The following SLC1A1 variants were observed in gnomAD, a reference collection of about 807,000 sequenced individuals.
SLC1A1 encodes solute carrier family 1 member 1, also known as excitatory amino acid transporter 3.
In SLC1A1, 43 loss-of-function variants were observed where a neutral mutation model predicts 53.3. That is an observed-to-expected ratio of 0.81 (90% CI 0.63 to 1.04). The LOEUF is 1.04. Among genes scored for constraint, SLC1A1 ranks in the 50% least tolerant of loss-of-function variants. SLC1A1 has a pLI of 0.00. For synonymous variants in SLC1A1, 307 were observed against 243.2 expected, an observed-to-expected ratio of 1.26 and a Z score of -2.44; for missense variants, 748 against 664.9, an observed-to-expected ratio of 1.12 and a Z score of -1.37.
rs1821624108 is a variant in SLC1A1 at position 4,587,116 on chromosome 9, A to C, written c.*1558A>C. ...ATAGCAGAAGAGTAGATAAGTGCTC[A>C]GTATTGACGACCTACATCTGAAATC... On this transcript the variant is annotated 3_prime_UTR_variant, in exon 12 of 12. Transcript: ENST00000262352. 6.6e-6 allele frequency: 1 copy of C among 152,650 alleles called. No homozygotes were observed. The highest frequency in any genetic ancestry group is 6.5e-5 in the Admixed American group (1 of 15,288). 9.5% of individuals were successfully genotyped at this position (152,650 alleles called of 1,614,324 possible). A position where few individuals can be genotyped will look rare whatever the true frequency, so the allele number is the denominator to read the frequency against.
At chr9:4,498,753 T>A (rs1820528920) in intron 1 of SLC1A1, among the ~76,000 whole-genome samples, 1 of 151,178 alleles carries the variant, frequency 6.6e-6, no homozygotes, top group Non-Finnish European at 1.5e-5. Flanking sequence ...TTAGTTTCCA[T>A]AATATTTTCT....
intron 1 of SLC1A1, among the ~76,000 whole-genome samples, chr9:4,537,002 T>A (rs1249565652): frequency 6.6e-6 from 1 of 151,712 alleles, no homozygotes; most frequent in African/African-American, 2.4e-5. Context: ...ATGAGAACAC[T>A]TGGACACAGG....
intron 2 of SLC1A1, among the ~76,000 whole-genome samples, chr9:4,546,207 T>C (rs536971608): frequency 3.9e-4 from 60 of 152,352 alleles, no homozygotes; most frequent in African/African-American, 1.2e-3. Context: ...GGTCTTGATG[T>C]TCTCGGCTTA....
At chr9:4,501,446 T>C (rs1395519235) in intron 1 of SLC1A1, among the ~76,000 whole-genome samples, 2 of 151,542 alleles carry the variant, frequency 1.3e-5, no homozygotes, top group Non-Finnish European at 2.9e-5. Flanking sequence ...ACTATTTGGG[T>C]ATAACACTTC....
At chr9:4,513,759 A>T (rs1564001126) in intron 1 of SLC1A1, among the ~76,000 whole-genome samples, 1 of 152,252 alleles carries the variant, frequency 6.6e-6, no homozygotes, top group Non-Finnish European at 1.5e-5. Flanking sequence ...GAGTGTTTAT[A>T]GCAGCACTCT....
At position 4,523,292 on chromosome 9, in the gene SLC1A1, A is replaced by C. The variant is rs1463241565; in HGVS notation, c.92-21275A>C. Reference sequence around the variant, plus strand: ...CCTTGGACATAGTAAATATTTGCAGAATTTAATTAAGTTATTGAGTCACAT... The same window carrying C: ...CCTTGGACATAGTAAATATTTGCAGCATTTAATTAAGTTATTGAGTCACAT... On this transcript the variant is annotated intron_variant, in intron 1 of 11. Transcript: ENST00000262352. 2.0e-5 allele frequency among the ~76,000 whole-genome samples: 3 copies of C among 152,184 alleles called. No individual in the cohort carries two copies. The East Asian group carries it at 5.8e-4, about 29-fold the overall frequency.
At chr9:4,573,260 G>A (rs1444841854) in intron 7 of SLC1A1, among the ~76,000 whole-genome samples, 1 of 152,156 alleles carries the variant, frequency 6.6e-6, no homozygotes, top group African/African-American at 2.4e-5. Context: ...TTAATCCAAA[G>A]TGTAGATACT....
chr9:4,576,230 G>A (rs369154772), intron 9 of SLC1A1, 107 bp downstream of exon 9: 2 of 1,076,048 alleles, frequency 1.9e-6, no homozygotes, highest in Non-Finnish European at 2.9e-6. Context: ...AGCTGTCTTT[G>A]AGAAATGACC....
intron 1 of SLC1A1, among the ~76,000 whole-genome samples, chr9:4,507,095 G>A (rs544539653): frequency 1.8e-4 from 28 of 152,252 alleles, no homozygotes; most frequent in South Asian, 1.5e-3. Context: ...TTAGCTGAGC[G>A]TGGTGGTGGG....
At chr9:4,495,769 C>A (rs1447701351) in intron 1 of SLC1A1, among the ~76,000 whole-genome samples, 1 of 151,804 alleles carries the variant, frequency 6.6e-6, no homozygotes, top group African/African-American at 2.4e-5. Context: ...AGCTGAGCAG[C>A]CAGGAGTGGA....
chr9:4,490,496 G>T lies in SLC1A1; in HGVS notation c.-184G>T. On this transcript the variant is annotated 5_prime_UTR_variant, in exon 1 of 12. Coordinates refer to ENST00000262352, the MANE Select transcript of SLC1A1 (RefSeq NM_004170.6). The stretch of plus-strand genomic sequence containing the variant: ...AAACTACCGGGCTGGCAGGGCGGCG[G>T]GCGCGGTGCGCGATCCCGGGTGGCG... 1 of 383,812 alleles carries T rather than the reference G, an allele frequency of 2.6e-6. No individual in the cohort carries two copies. Among genetic ancestry groups the T allele is most frequent in the South Asian group, 8.3e-5 (1 of 12,024 alleles). 23.8% of individuals were successfully genotyped at this position (383,812 alleles called of 1,614,324 possible). A position where few individuals can be genotyped will look rare whatever the true frequency, so the allele number is the denominator to read the frequency against.
intron 5 of SLC1A1, 126 bp from the exon 6 acceptor site, chr9:4,567,543 G>GC: frequency 2.9e-6 from 2 of 698,948 alleles, no homozygotes; most frequent in Non-Finnish European, 5.3e-6. Context: ...GCCAACAGAG[G>GC]CATTGGATGT....
chr9:4,540,383 G>T (rs1016710529), intron 1 of SLC1A1, among the ~76,000 whole-genome samples: 4 of 152,180 alleles, frequency 2.6e-5, no homozygotes, highest in African/African-American at 9.7e-5. Context: ...GGGTGAGGAT[G>T]CTAAAGGCTG....
intron 1 of SLC1A1, among the ~76,000 whole-genome samples, chr9:4,538,225 T>G (rs1175317231): frequency 6.6e-6 from 1 of 152,160 alleles, no homozygotes; most frequent in Non-Finnish European, 1.5e-5. Flanking sequence ...TTGTACATTT[T>G]AGGGAGATAT....
chr9:4,538,537 T>A (rs1276575192), intron 1 of SLC1A1, among the ~76,000 whole-genome samples: 1 of 152,210 alleles, frequency 6.6e-6, no homozygotes. Flanking sequence ...CTGCAATATA[T>A]AAGGAAAAAT....
chr9:4,515,881 T>C (rs1201853234), intron 1 of SLC1A1, among the ~76,000 whole-genome samples: 1 of 152,188 alleles, frequency 6.6e-6, no homozygotes, highest in Non-Finnish European at 1.5e-5. Context: ...GTCCTGTGTG[T>C]TTCCAGTATG....
intron 2 of SLC1A1, among the ~76,000 whole-genome samples, chr9:4,554,663 G>C (rs1324387462): frequency 6.6e-6 from 1 of 152,212 alleles, no homozygotes; most frequent in Non-Finnish European, 1.5e-5. Flanking sequence ...GGCACAAAGA[G>C]GGGCTGGAGA....
intron 1 of SLC1A1, among the ~76,000 whole-genome samples, chr9:4,531,556 G>A (rs368530767): frequency 2.0e-4 from 31 of 152,282 alleles, no homozygotes; most frequent in East Asian, 7.8e-4. Flanking sequence ...CAAAGCAGCC[G>A]GGAAGCTCGA....
At chr9:4,530,465 C>T (rs1816426097) in intron 1 of SLC1A1, among the ~76,000 whole-genome samples, 1 of 152,188 alleles carries the variant, frequency 6.6e-6, no homozygotes, top group African/African-American at 2.4e-5. Context: ...GCTGGTTTAA[C>T]ACAGTCATGT....
Sources: gnomAD v4.1 joint callset for allele counts (sites outside exome capture counted in the v4.1 genomes callset) on GRCh38, gnomAD v4.1.1 for gene constraint, MANE v1.5 for transcripts, NCBI Gene and HGNC (gene_info 2026-07-23, HGNC 2026-07-21) for gene names.